RYR2: variants seen among roughly 807,000 people sequenced by gnomAD.
RYR2 encodes the protein cardiac muscle ryanodine receptor-calcium release channel.
Under a neutral mutation model 601.1 loss-of-function variants are expected in RYR2, and 227 were observed. That is an observed-to-expected ratio of 0.38 (90% CI 0.34 to 0.42). The LOEUF (loss-of-function observed/expected upper bound fraction) is 0.42, where lower values mean the gene tolerates loss of function less well. Ranked by LOEUF, RYR2 falls within the 10% of genes least tolerant of loss-of-function variation. RYR2 has a pLI of 1.00. For synonymous variants in RYR2, 2,223 were observed against 2,175.1 expected, an observed-to-expected ratio of 1.02 and a Z score of -0.61; for missense variants, 4,646 against 6,156.5, an observed-to-expected ratio of 0.75 and a Z score of 8.21.
chr1:237,215,873 A>G (rs1453759804), intron 1 of RYR2, among the ~76,000 whole-genome samples: 1 of 152,320 alleles, frequency 6.6e-6, no homozygotes, highest in East Asian at 1.9e-4. Flanking sequence ...CAGGTTGTGG[A>G]AAGTCCTCCA....
intron 13 of RYR2, among the ~76,000 whole-genome samples, chr1:237,444,952 C>A (rs1708203109): frequency 1.3e-5 from 2 of 152,104 alleles, no homozygotes; most frequent in Admixed American, 1.3e-4. Flanking sequence ...CTGCTTTGTA[C>A]CAAGTTTGCT....
chr1:237,425,232 T>C (rs1463110899), intron 12 of RYR2, among the ~76,000 whole-genome samples: 1 of 152,176 alleles, frequency 6.6e-6, no homozygotes. Flanking sequence ...TATCAACGTT[T>C]TGATGAATTT....
intron 2 of RYR2, among the ~76,000 whole-genome samples, chr1:237,289,010 C>T (rs1438623391): frequency 6.6e-6 from 1 of 152,186 alleles, no homozygotes; most frequent in African/African-American, 2.4e-5. Flanking sequence ...GTATGTTGCT[C>T]AGCTCTCCAA....
chr1:237,384,433 T>C (rs1701809057), intron 8 of RYR2, among the ~76,000 whole-genome samples: 1 of 152,226 alleles, frequency 6.6e-6, no homozygotes, highest in South Asian at 2.1e-4. Context: ...TCGGCTGTAA[T>C]GTATGTCCCC....
chr1:237,759,748 G>T, intron 82 of RYR2, 28 bp from the exon 83 acceptor site: 1 of 1,371,668 alleles, frequency 7.3e-7, no homozygotes, highest in South Asian at 1.2e-5. Flanking sequence ...TTTGTTCAGT[G>T]GCCACGTGGT....
At chr1:237,777,656 A>C (rs1477394761) in intron 87 of RYR2, among the ~76,000 whole-genome samples, 1 of 152,210 alleles carries the variant, frequency 6.6e-6, no homozygotes, top group Non-Finnish European at 1.5e-5. Flanking sequence ...CCATGAAAAC[A>C]GTCTGCGTGC....
chr1:237,560,535 G>C (rs2148193134), intron 27 of RYR2, among the ~76,000 whole-genome samples: 1 of 152,292 alleles, frequency 6.6e-6, no homozygotes, highest in East Asian at 1.9e-4. Context: ...GGGTCCTTTG[G>C]TTTTCAATAT....
At chr1:237,201,847 G>A (rs979546427) in intron 1 of RYR2, among the ~76,000 whole-genome samples, 5 of 152,120 alleles carry the variant, frequency 3.3e-5, no homozygotes, top group East Asian at 1.9e-4. Flanking sequence ...GGAAGGTGAC[G>A]TATATTCAGG....
intron 16 of RYR2, among the ~76,000 whole-genome samples, chr1:237,466,123 C>A (rs564372335): frequency 5.1e-4 from 77 of 151,968 alleles, no homozygotes; most frequent in Non-Finnish European, 1.0e-3. Context: ...CCATTTTACC[C>A]AGATGTTCAA....
chr1:237,108,825 C>T (rs1206051357), intron 1 of RYR2, among the ~76,000 whole-genome samples: 2 of 152,194 alleles, frequency 1.3e-5, no homozygotes, highest in African/African-American at 2.4e-5. Flanking sequence ...CACCAGCGTT[C>T]CAGTTTTGCA....
intron 52 of RYR2, 80 bp downstream of exon 52, chr1:237,654,494 GTT>G: frequency 7.3e-6 from 10 of 1,371,642 alleles, no homozygotes; most frequent in Non-Finnish European, 6.0e-6. Context: ...AGTATTCCTA[GTT>G]GAATACTATC....
In RYR2 at chr1:237,732,440, T is replaced by C. The variant is rs1322941973; in HGVS notation, c.11039+291T>C. On this transcript the variant is annotated intron_variant, in intron 78 of 104. Transcript: ENST00000366574. ...GTTTTTCTGTTTATCACAAACAAAC[T>C]TTATAAATAAAACAAAAGAACCAAA... Among the ~76,000 whole-genome samples, 3 of 152,190 alleles carry C rather than the reference T, an allele frequency of 2.0e-5. No individual in the cohort carries two copies. In the East Asian group the frequency reaches 5.8e-4, roughly 29 times the overall value.
chr1:237,350,824 A>G (rs959984132), intron 3 of RYR2, among the ~76,000 whole-genome samples: 2 of 151,764 alleles, frequency 1.3e-5, no homozygotes, highest in African/African-American at 4.8e-5. Flanking sequence ...TCAATCAACA[A>G]TCAATGTATA....
chr1:237,474,851 A>G (rs1196846205), intron 17 of RYR2, among the ~76,000 whole-genome samples: 1 of 152,144 alleles, frequency 6.6e-6, no homozygotes, highest in Non-Finnish European at 1.5e-5. Flanking sequence ...TGAGTGGTCG[A>G]TGGCATGGAA....
chr1:237,694,491 C>T (rs890029518), intron 63 of RYR2, among the ~76,000 whole-genome samples: 1 of 151,954 alleles, frequency 6.6e-6, no homozygotes, highest in African/African-American at 2.4e-5. Context: ...TTCTGTAGTA[C>T]TATGACAATA....
intron 1 of RYR2, among the ~76,000 whole-genome samples, chr1:237,242,965 G>A (rs1558484958): frequency 6.6e-6 from 1 of 152,108 alleles, no homozygotes; most frequent in Non-Finnish European, 1.5e-5. Flanking sequence ...ACTTTTTCCA[G>A]GGTTGCAAAC....
At chr1:237,495,131 G>A (rs1258326279) in intron 19 of RYR2, among the ~76,000 whole-genome samples, 1 of 152,028 alleles carries the variant, frequency 6.6e-6, no homozygotes, top group Non-Finnish European at 1.5e-5. Context: ...TATACTTATT[G>A]CATATTCACT....
chr1:237,393,701 A>G (rs1457496544), intron 10 of RYR2, among the ~76,000 whole-genome samples: 2 of 152,242 alleles, frequency 1.3e-5, no homozygotes, highest in Non-Finnish European at 2.9e-5. Flanking sequence ...TCTTGATGGA[A>G]TAGTCAGTAC....
chr1:237,417,085 T>C lies in RYR2; in HGVS notation c.810T>C (p.His270=), dbSNP rs760798106. The change falls in exon 11 of 105, where the codon CAT becomes CAC. Residue 270 remains histidine, a synonymous_variant. Transcript: ENST00000366574. ...ATGAAGGTGGCGCTGTGTCTGTTCA[T>C]GCACGTTCCCTTTGGAGACTAGAGA... The part of the protein sequence containing the change: ...VHYEGGAVSV[H]ARSLWRLETL... 3 of 1,613,990 alleles carry C rather than the reference T, an allele frequency of 1.9e-6. No homozygotes were observed. Among genetic ancestry groups the C allele is most frequent in the Non-Finnish European group, 1.7e-6 (2 of 1,179,856 alleles).
Sources: gnomAD v4.1 joint callset for allele counts (sites outside exome capture counted in the v4.1 genomes callset) on GRCh38, gnomAD v4.1.1 for gene constraint, MANE v1.5 for transcripts, NCBI Gene and HGNC (gene_info 2026-07-23, HGNC 2026-07-21) for gene names.